The following ZNF587B variants were observed in gnomAD, a reference collection of about 807,000 sequenced individuals.
The protein encoded by ZNF587B is zinc finger protein 587B.
Under a neutral mutation model 7.2 loss-of-function variants are expected in ZNF587B, and 6 were observed. The ratio of observed to expected loss-of-function variants is 0.83; its 90% CI spans 0.46 to 1.65. The LOEUF (loss-of-function observed/expected upper bound fraction) is 1.65. Ranked by LOEUF, ZNF587B falls within the 40% of genes most tolerant of loss-of-function variation. The pLI is 0.01. For synonymous variants in ZNF587B, 274 were observed against 254.3 expected, an observed-to-expected ratio of 1.08 and a Z score of -0.74; for missense variants, 749 against 761.0, an observed-to-expected ratio of 0.98 and a Z score of 0.19.
intron 1 of ZNF587B, among the ~76,000 whole-genome samples, chr19:57,832,132 A>C (rs1600101822): frequency 1.3e-5 from 2 of 149,386 alleles, no homozygotes; most frequent in East Asian, 2.0e-4. Flanking sequence ...TATCGCCCAG[A>C]CTGGAGCGCA....
intron 1 of ZNF587B, among the ~76,000 whole-genome samples, chr19:57,831,708 A>G (rs929424278): frequency 2.2e-4 from 30 of 138,062 alleles, no homozygotes; most frequent in Non-Finnish European, 7.9e-5. Context: ...TTATTTATTT[A>G]TTTTTTTTTT....
chr19:57,843,536 CGA>C lies in ZNF587B; in HGVS notation c.*965_*966del. On this transcript the variant is annotated 3_prime_UTR_variant, in exon 3 of 3. Transcript: ENST00000594901. ...GTATATTTTGGTTGTCTCCCATTCA[CGA>C]GAGATTTTTTTTTTAAGTTTTTTGT... The C allele has an allele frequency of 1.0e-6, 1 of 979,074 alleles. No homozygotes were observed. The highest frequency in any genetic ancestry group is 1.2e-6 in the Non-Finnish European group (1 of 828,504). The allele number at this position is 979,074 out of a possible 1,614,324, so 60.6% of individuals were successfully genotyped here.
rs745653721 is a variant in ZNF587B at position 57,842,211 on chromosome 19, CAG to C, written c.1542_1543del (p.Arg514SerfsTer9). Reference sequence around the variant, plus strand: ...GCACAAGTGCCACCTCACTGCACACCAGAGAGTTCACACTGGAGAAAGGCCAT... The same window carrying C: ...GCACAAGTGCCACCTCACTGCACACCAGAGTTCACACTGGAGAAAGGCCAT... ...FRHKCHLTAHQRVHTGERPYE... is the reference protein window; with the variant it reads ...FRHKCHLTAHXRVHTGERPYE... On this transcript the variant is annotated frameshift_variant, in exon 3 of 3. Transcript: ENST00000594901. LOFTEE classifies it low-confidence loss of function (END_TRUNC). The C allele has an allele frequency of 5.1e-5, 82 of 1,613,504 alleles. No homozygotes were observed. The highest frequency in any genetic ancestry group is 1.5e-5 in the Non-Finnish European group (18 of 1,179,700).
chr19:57,842,787 A>G lies in ZNF587B; in HGVS notation c.*211A>G. The G allele has an allele frequency of 2.0e-6, 2 of 985,408 alleles. No individual in the cohort carries two copies. Among genetic ancestry groups the G allele is most frequent in the Non-Finnish European group, 2.4e-6 (2 of 829,924 alleles). 61.0% of individuals were successfully genotyped at this position (985,408 alleles called of 1,614,324 possible). A position where few individuals can be genotyped will look rare whatever the true frequency, so the allele number is the denominator to read the frequency against. On this transcript the variant is annotated 3_prime_UTR_variant, in exon 3 of 3. Coordinates refer to ENST00000594901, the MANE Select transcript of ZNF587B (RefSeq NM_001376223.1). ...CTGTATTCCTTCAGGATTATATTTA[A>G]CACTGAATGAAGGCCTTACTAGTGT...
Position 57,841,927 on chromosome 19 carries a change from C to G in ZNF587B, c.1253C>G (p.Ser418Cys), listed in dbSNP as rs1350171453. The G allele has an allele frequency of 6.8e-6, 11 of 1,613,638 alleles. No individual in the cohort carries two copies. Among genetic ancestry groups the G allele is most frequent in the Non-Finnish European group, 8.5e-6 (10 of 1,179,830 alleles). The change falls in exon 3 of 3, where the codon TCT (serine) becomes TGT (cysteine). Residue 418 changes from serine (S) to cysteine (C), a missense_variant. Ser to Cys is a moderately radical substitution (Grantham distance 112). Transcript: ENST00000594901. ...TACAAGTGTGGAGACTGTGGGAAAT[C>G]TTTTAATGAAAAAGGACACCTTAGG... ...RPYKCGDCGK[S>C]FNEKGHLRSH...
At position 57,843,293 on chromosome 19, in the gene ZNF587B, A is replaced by G. The variant is rs965177259; in HGVS notation, c.*717A>G. The stretch of plus-strand genomic sequence containing the variant: ...AGGTTTGAGTCACTGTGCTCAGCCA[A>G]TTATGTTTTTCTGTGTAACATGGGA... On this transcript the variant is annotated 3_prime_UTR_variant, in exon 3 of 3. Coordinates refer to ENST00000594901, the MANE Select transcript of ZNF587B (RefSeq NM_001376223.1). 45 of 985,224 alleles carry G rather than the reference A, an allele frequency of 4.6e-5. No individual in the cohort carries two copies. In the African/African-American group the frequency reaches 7.3e-4, roughly 16 times the overall value. 61.0% of individuals were successfully genotyped at this position (985,224 alleles called of 1,614,324 possible). A position where few individuals can be genotyped will look rare whatever the true frequency, so the allele number is the denominator to read the frequency against.
chr19:57,844,512 T>G lies in ZNF587B; in HGVS notation c.*1936T>G. 1 of 204,138 alleles carries G rather than the reference T, an allele frequency of 4.9e-6. No homozygotes were observed. The highest frequency in any genetic ancestry group is 5.5e-5 in the South Asian group (1 of 18,254). The allele number at this position is 204,138 out of a possible 1,614,324, so 12.6% of individuals were successfully genotyped here. Reference sequence around the variant, plus strand: ...ACCTTGAAGGACAGCATAGCTAAACTGCGTGGCCCAAGGGACAGCATGAAT... The same window carrying G: ...ACCTTGAAGGACAGCATAGCTAAACGGCGTGGCCCAAGGGACAGCATGAAT... On this transcript the variant is annotated 3_prime_UTR_variant, in exon 3 of 3. Transcript: ENST00000594901.
intron 1 of ZNF587B, among the ~76,000 whole-genome samples, chr19:57,837,307 A>G (rs1988655078): frequency 6.6e-6 from 1 of 150,928 alleles, no homozygotes; most frequent in African/African-American, 2.4e-5. Context: ...CCCAGGCTGG[A>G]GTGCAATGGC....
At chr19:57,836,381 G>A (rs1988602175) in intron 1 of ZNF587B, among the ~76,000 whole-genome samples, 1 of 152,212 alleles carries the variant, frequency 6.6e-6, no homozygotes, top group African/African-American at 2.4e-5. Context: ...GATGGTGTCA[G>A]CTACGATGTA....
In ZNF587B at chr19:57,839,043, C is replaced by T. The variant is rs762417359; in HGVS notation, c.57C>T (p.Asp19=). The T allele has an allele frequency of 5.2e-5, 84 of 1,613,902 alleles. No individual in the cohort carries two copies. Among genetic ancestry groups the T allele is most frequent in the Middle Eastern group, 1.6e-4 (1 of 6,084 alleles). ...LSAQGTVTFE[D]VAVKFTQEEW... ...AACAGGGCACAGTGACTTTTGAAGACGTGGCTGTGAAATTTACCCAGGAGG... is the reference window on the plus strand; with the variant it reads ...AACAGGGCACAGTGACTTTTGAAGATGTGGCTGTGAAATTTACCCAGGAGG... Residue 19 remains aspartate, a synonymous_variant, in exon 2 of 3, where the codon GAC becomes GAT. Transcript: ENST00000594901.
chr19:57,837,449 T>G (rs971846845), intron 1 of ZNF587B, among the ~76,000 whole-genome samples: 1 of 150,956 alleles, frequency 6.6e-6, no homozygotes, highest in Non-Finnish European at 1.5e-5. Flanking sequence ...GTTTTTTTTT[T>G]TTGGTTTGGT....
Position 57,843,095 on chromosome 19 carries a change from A to G in ZNF587B, c.*519A>G. On this transcript the variant is annotated 3_prime_UTR_variant, in exon 3 of 3. Coordinates refer to ENST00000594901, the MANE Select transcript of ZNF587B (RefSeq NM_001376223.1). Reference sequence around the variant, plus strand: ...ACTGCATCCTCCGCCCCCTAGGCTCAAGTGATCTTCCCACCTTAGCCTCCA... The same window carrying G: ...ACTGCATCCTCCGCCCCCTAGGCTCGAGTGATCTTCCCACCTTAGCCTCCA... The G allele has an allele frequency of 2.9e-6, 2 of 692,328 alleles. No homozygotes were observed. The highest frequency in any genetic ancestry group is 3.6e-6 in the Non-Finnish European group (2 of 562,380). The allele number at this position is 692,328 out of a possible 1,614,324, so 42.9% of individuals were successfully genotyped here. A position where few individuals can be genotyped will look rare whatever the true frequency, so the allele number is the denominator to read the frequency against.
chr19:57,832,039 C>T (rs1475571132), intron 1 of ZNF587B, among the ~76,000 whole-genome samples: 3 of 151,674 alleles, frequency 2.0e-5, no homozygotes, highest in African/African-American at 2.4e-5. Context: ...CTAAACAAAA[C>T]ATCTTACCCT....
chr19:57,841,744 G>A lies in ZNF587B; in HGVS notation c.1070G>A (p.Gly357Glu), dbSNP rs1372426801. 6.2e-7 allele frequency: 1 copy of A among 1,608,302 alleles called. No individual in the cohort carries two copies. Among genetic ancestry groups the A allele is most frequent in the Admixed American group, 1.7e-5 (1 of 59,092 alleles). Residue 357 changes from glycine (G) to glutamate (E), a missense_variant, in exon 3 of 3, where the codon GGA (glycine) becomes GAA (glutamate). By Grantham distance (98) the Gly-to-Glu change is moderately conservative. This residue lies in a region of ZNF587B where 656 missense variants were observed against 596.5 expected (regional missense o/e 1.10). Transcript: ENST00000594901. The stretch of plus-strand genomic sequence containing the variant: ...ACTGGAGAGAGACCTTACAAGTGTG[G>A]AGAATGTGAGAAATCTTTTAGTCGG... ...IHTGERPYKCGECEKSFSRKP... is the reference protein window; with the variant it reads ...IHTGERPYKCEECEKSFSRKP...
Position 57,837,759 on chromosome 19 carries a change from A to AT in ZNF587B, c.37-1259dup, listed in dbSNP as rs1461483775. ...CACGCCCCCGGCCTAGTTTTTTTGT[A>AT]TTTTTAGTAGAGACGCAGTTTCACT... On this transcript the variant is annotated intron_variant, in intron 1 of 2. Transcript: ENST00000594901. Among the ~76,000 whole-genome samples, 4 of 151,590 alleles carry AT rather than the reference A, an allele frequency of 2.6e-5. No individual in the cohort carries two copies. The East Asian group carries it at 7.8e-4, about 30-fold the overall frequency.
intron 2 of ZNF587B, among the ~76,000 whole-genome samples, 181 bp from the exon 3 acceptor site, chr19:57,840,657 C>G (rs1028813588): frequency 2.6e-5 from 4 of 152,186 alleles, no homozygotes; most frequent in Non-Finnish European, 5.9e-5. Flanking sequence ...AGGCCTCCTA[C>G]ATTCTGTGAC....
rs1160484358 is a variant in ZNF587B, at chr19:57,843,440, C to G, written c.*864C>G. On this transcript the variant is annotated 3_prime_UTR_variant, in exon 3 of 3. Coordinates refer to ENST00000594901, the MANE Select transcript of ZNF587B (RefSeq NM_001376223.1). The stretch of plus-strand genomic sequence containing the variant: ...ACTTATGTGACTGCCACTTATCTGG[C>G]AAAAGCCATTACATCTCAGCTACTT... 2.0e-6 allele frequency: 2 copies of G among 985,140 alleles called. No individual in the cohort carries two copies. Among genetic ancestry groups the G allele is most frequent in the Non-Finnish European group, 2.4e-6 (2 of 829,840 alleles). The allele number at this position is 985,140 out of a possible 1,614,324, so 61.0% of individuals were successfully genotyped here. A position where few individuals can be genotyped will look rare whatever the true frequency, so the allele number is the denominator to read the frequency against.
rs1211937382 is a variant in ZNF587B, at chr19:57,845,963, A to C, written c.*3387A>C. 1 of 152,140 alleles carries C rather than the reference A, an allele frequency of 6.6e-6. No individual in the cohort carries two copies. Among genetic ancestry groups the C allele is most frequent in the Non-Finnish European group, 1.5e-5 (1 of 68,018 alleles). 9.4% of individuals were successfully genotyped at this position (152,140 alleles called of 1,614,324 possible). A position where few individuals can be genotyped will look rare whatever the true frequency, so the allele number is the denominator to read the frequency against. On this transcript the variant is annotated 3_prime_UTR_variant, in exon 3 of 3. Coordinates refer to ENST00000594901, the MANE Select transcript of ZNF587B (RefSeq NM_001376223.1). Reference sequence around the variant, plus strand: ...AGCCTGGGTGATAGAGTGAGACCCCATCTTAAAAATAAAATAAAGATATAA... The same window carrying C: ...AGCCTGGGTGATAGAGTGAGACCCCCTCTTAAAAATAAAATAAAGATATAA...
In ZNF587B at chr19:57,844,771, CTT is replaced by C. The variant is rs1305264747; in HGVS notation, c.*2196_*2197del. The C allele has an allele frequency of 6.6e-6, 1 of 152,368 alleles. No individual in the cohort carries two copies. Among genetic ancestry groups the C allele is most frequent in the Non-Finnish European group, 1.5e-5 (1 of 68,202 alleles). 9.4% of individuals were successfully genotyped at this position (152,368 alleles called of 1,614,324 possible). On this transcript the variant is annotated 3_prime_UTR_variant, in exon 3 of 3. Coordinates refer to ENST00000594901, the MANE Select transcript of ZNF587B (RefSeq NM_001376223.1). Reference sequence around the variant, plus strand: ...TTTTTTGAACCAGACAAAATTCTCTCTTATGAGGTATATTGCACTGTGCTCGG... The same window carrying C: ...TTTTTTGAACCAGACAAAATTCTCTCATGAGGTATATTGCACTGTGCTCGG...
Sources: gnomAD v4.1 joint callset for allele counts (sites outside exome capture counted in the v4.1 genomes callset) on GRCh38, gnomAD v4.1.1 for gene constraint, gnomAD v4.1.1 regional missense constraint, MANE v1.5 for transcripts, NCBI Gene and HGNC (gene_info 2026-07-23, HGNC 2026-07-21) for gene names.